Variants in TUSC3 observed in about 807,000 individuals in gnomAD.
The protein encoded by TUSC3 is dolichyl-diphosphooligosaccharide--protein glycosyltransferase subunit TUSC3.
A neutral mutation model predicts 44.8 loss-of-function variants in TUSC3; 45 were observed. That is an observed-to-expected ratio of 1.00 (90% CI 0.79 to 1.29). TUSC3 has a LOEUF of 1.29. Ranked by LOEUF, TUSC3 falls within the 50% of genes most tolerant of loss-of-function variation. The pLI is 0.00. For missense variants in TUSC3, 519 were observed against 437.9 expected (o/e 1.19, Z -1.65); for synonymous variants, 212 against 152.9 (o/e 1.39, Z -2.85).
intron 1 of TUSC3, among the ~76,000 whole-genome samples, chr8:15,446,593 G>C (rs374062262): frequency 6.6e-6 from 1 of 151,798 alleles, no homozygotes; most frequent in African/African-American, 2.4e-5. Flanking sequence ...CAGGCGTGGC[G>C]GCGGGCGCCT....
intron 1 of TUSC3, among the ~76,000 whole-genome samples, chr8:15,611,191 G>A (rs1804745649): frequency 6.6e-6 from 1 of 152,050 alleles, no homozygotes; most frequent in Admixed American, 6.6e-5. Context: ...TGTTGTTGCT[G>A]TTGTTGTTTT....
chr8:15,682,477 T>G (rs897452894), intron 6 of TUSC3, among the ~76,000 whole-genome samples: 1 of 152,294 alleles, frequency 6.6e-6, no homozygotes, highest in South Asian at 2.1e-4. Context: ...CTCGTGTAAG[T>G]ACAACCTCTG....
At chr8:15,819,766 G>A in the TUSC3 span, among the ~76,000 whole-genome samples, 1 of 152,182 alleles carries the variant, frequency 6.6e-6, no homozygotes, top group African/African-American at 2.4e-5. Flanking sequence ...AGAAGCTACT[G>A]TGATGCTCTT....
At chr8:15,645,092 T>C (rs774220319) in intron 2 of TUSC3, among the ~76,000 whole-genome samples, 4 of 152,178 alleles carry the variant, frequency 2.6e-5, no homozygotes, top group Non-Finnish European at 5.9e-5. Context: ...TAGAGTAACA[T>C]TGAAAGTGGG....
At chr8:15,847,262 T>G in the TUSC3 span, among the ~76,000 whole-genome samples, 1 of 152,144 alleles carries the variant, frequency 6.6e-6, no homozygotes. Flanking sequence ...AATGTGATTT[T>G]ATATGAATTC....
intron 1 of TUSC3, among the ~76,000 whole-genome samples, chr8:15,432,172 G>C (rs80035466): frequency 0.017 from 2,539 of 152,132 alleles, 43 homozygotes; most frequent in South Asian, 0.062. Context: ...TGGAAGAGTT[G>C]AGAAAGTGTG....
Position 15,618,195 on chromosome 8 carries a change from A to G in TUSC3, c.139-4885A>G, listed in dbSNP as rs148923532. 2.9e-3 allele frequency among the ~76,000 whole-genome samples: 440 copies of G among 152,322 alleles called. 2 individuals are homozygous for G. Among genetic ancestry groups the G allele is most frequent in the Middle Eastern group, 0.024 (7 of 294 alleles). On this transcript the variant is annotated intron_variant, in intron 1 of 10. Transcript: ENST00000503731. ...GTGAAGGCCTGGGACGTTACTGTAC[A>G]CTACTGTAGACTCTATAAACACTGC... is the stretch of plus-strand genomic sequence containing the variant.
chr8:15,791,892 G>A, the TUSC3 span, among the ~76,000 whole-genome samples: 4 of 152,108 alleles, frequency 2.6e-5, no homozygotes, highest in Non-Finnish European at 5.9e-5. Flanking sequence ...CATCCAAGAG[G>A]CCAACCTGCA....
In TUSC3 at chr8:15,600,793, T is replaced by G. The variant is rs144612376; in HGVS notation, c.139-22287T>G. On this transcript the variant is annotated intron_variant, in intron 1 of 10. Coordinates refer to ENST00000503731, the MANE Select transcript of TUSC3 (RefSeq NM_006765.4). ...CTAAACTTTTTAATGTTTATTTTGT[T>G]AGCATTATTGATCTTGCTTATAAAG... is the stretch of plus-strand genomic sequence containing the variant. 5.9e-5 allele frequency among the ~76,000 whole-genome samples: 9 copies of G among 151,848 alleles called. No homozygotes were observed. The East Asian group carries it at 1.7e-3, about 29-fold the overall frequency.
chr8:15,567,895 T>C (rs1188690781), intron 1 of TUSC3, among the ~76,000 whole-genome samples: 1 of 152,190 alleles, frequency 6.6e-6, no homozygotes, highest in African/African-American at 2.4e-5. Flanking sequence ...ATTTGGGTTG[T>C]TGGTAATGAA....
chr8:15,473,717 G>A (rs1052748687), intron 1 of TUSC3, among the ~76,000 whole-genome samples: 1 of 152,094 alleles, frequency 6.6e-6, no homozygotes, highest in Non-Finnish European at 1.5e-5. Flanking sequence ...GCAAGTACAG[G>A]GAGTGGGTCA....
the TUSC3 span, among the ~76,000 whole-genome samples, chr8:15,783,029 C>A: frequency 2.0e-5 from 3 of 152,106 alleles, no homozygotes; most frequent in Non-Finnish European, 2.9e-5. Flanking sequence ...GGATATATAT[C>A]AATATACAAA....
chr8:15,529,983 C>T (rs1046215063), intron 2 of TUSC3, among the ~76,000 whole-genome samples: 1 of 113,524 alleles, frequency 8.8e-6, no homozygotes, highest in Non-Finnish European at 1.7e-5. Flanking sequence ...GACGGGGTTT[C>T]ACCTTGTTAG....
intron 5 of TUSC3, among the ~76,000 whole-genome samples, chr8:15,662,800 A>C (rs1257006472): frequency 6.6e-6 from 1 of 152,106 alleles, no homozygotes; most frequent in South Asian, 2.1e-4. Flanking sequence ...TATGTGTGCT[A>C]TGACGGCAGT....
At chr8:15,466,030 C>T (rs140450463) in intron 1 of TUSC3, among the ~76,000 whole-genome samples, 8 of 152,192 alleles carry the variant, frequency 5.3e-5, no homozygotes, top group African/African-American at 1.9e-4. Context: ...AGGGAACTTC[C>T]GAATTTTTAA....
chr8:15,690,422 T>A (rs993234212), intron 6 of TUSC3, among the ~76,000 whole-genome samples: 3 of 152,196 alleles, frequency 2.0e-5, no homozygotes, highest in Non-Finnish European at 2.9e-5. Flanking sequence ...ATGTATAATT[T>A]GCAGCCACTT....
chr8:15,548,256 C>T (rs1374330987), intron 1 of TUSC3, among the ~76,000 whole-genome samples: 3 of 151,816 alleles, frequency 2.0e-5, no homozygotes, highest in Non-Finnish European at 4.4e-5. Flanking sequence ...TTTGTCTTTA[C>T]TGACAGTAGA....
chr8:15,582,131 C>A (rs1359267029), intron 1 of TUSC3, among the ~76,000 whole-genome samples: 3 of 152,222 alleles, frequency 2.0e-5, no homozygotes, highest in African/African-American at 7.2e-5. Context: ...ACCCCTTGCG[C>A]TTCCCAAGTG....
chr8:15,774,563 T>C, the TUSC3 span, among the ~76,000 whole-genome samples: 1 of 152,150 alleles, frequency 6.6e-6, no homozygotes, highest in Non-Finnish European at 1.5e-5. Context: ...CCTTGATTTT[T>C]TACTTTTAGT....
Sources: gnomAD v4.1 joint callset for allele counts (sites outside exome capture counted in the v4.1 genomes callset) on GRCh38, gnomAD v4.1.1 for gene constraint, MANE v1.5 for transcripts, NCBI Gene and HGNC (gene_info 2026-07-23, HGNC 2026-07-21) for gene names.